The following DOK6 variants were observed in gnomAD, a reference collection of about 807,000 sequenced individuals.
DOK6 encodes downstream of tyrosine kinase 6.
Under a neutral mutation model 44.0 loss-of-function variants are expected in DOK6, and 22 were observed. The observed-to-expected ratio is 0.50, with a 90% CI of 0.36 to 0.71. The LOEUF is 0.71. DOK6 is among the 30% of genes least tolerant of loss of function. The pLI is 0.00. For synonymous variants in DOK6, 166 were observed against 145.5 expected (o/e 1.14, Z -1.01); for missense variants, 340 against 416.4 (o/e 0.82, Z 1.60).
At chr18:69,745,548 A>G (rs2015223704) in intron 6 of DOK6, among the ~76,000 whole-genome samples, 1 of 152,220 alleles carries the variant, frequency 6.6e-6, no homozygotes, top group Non-Finnish European at 1.5e-5. Context: ...TGAAGGCCAC[A>G]TCCAGTGAAT....
intron 1 of DOK6, among the ~76,000 whole-genome samples, chr18:69,474,258 A>C (rs1568269542): frequency 1.3e-5 from 2 of 150,592 alleles, no homozygotes; most frequent in African/African-American, 4.9e-5. Flanking sequence ...CTTCTTCTCC[A>C]TCCCCCTTCC....
intron 1 of DOK6, among the ~76,000 whole-genome samples, chr18:69,458,978 C>A (rs141490564): frequency 0.013 from 1,943 of 151,972 alleles, 35 homozygotes; most frequent in African/African-American, 0.043. Flanking sequence ...TGCCTGTAAT[C>A]CCAGCCACCT....
chr18:69,652,676 G>A (rs1985260383), intron 3 of DOK6, among the ~76,000 whole-genome samples: 1 of 152,130 alleles, frequency 6.6e-6, no homozygotes, highest in Non-Finnish European at 1.5e-5. Flanking sequence ...ATACACTCTA[G>A]GATGTTTGGG....
At chr18:69,420,302 T>A (rs146353158) in intron 1 of DOK6, among the ~76,000 whole-genome samples, 1 of 152,022 alleles carries the variant, frequency 6.6e-6, no homozygotes, top group African/African-American at 2.4e-5. Context: ...TCTTTAAAAT[T>A]TAATGCAAAA....
At chr18:69,731,660 G>T (rs542077364) in intron 5 of DOK6, among the ~76,000 whole-genome samples, 13 of 152,066 alleles carry the variant, frequency 8.5e-5, no homozygotes, top group Admixed American at 5.2e-4. Context: ...TGTTCTTTTT[G>T]CTCTGAAGAA....
intron 1 of DOK6, among the ~76,000 whole-genome samples, chr18:69,521,929 T>TA (rs557247243): frequency 1.6e-3 from 240 of 152,026 alleles, no homozygotes; most frequent in Non-Finnish European, 2.5e-3. Context: ...AGTTAAAATT[T>TA]AAAAAAATTA....
intron 2 of DOK6, among the ~76,000 whole-genome samples, chr18:69,570,181 C>G (rs116724588): frequency 2.6e-4 from 40 of 152,164 alleles, no homozygotes; most frequent in African/African-American, 9.4e-4. Context: ...ACATACACCC[C>G]TAGCCTAAAA....
At chr18:69,684,758 A>G (rs927711017) in intron 4 of DOK6, among the ~76,000 whole-genome samples, 1 of 152,228 alleles carries the variant, frequency 6.6e-6, no homozygotes, top group African/African-American at 2.4e-5. Context: ...CGAAAGGCAT[A>G]GGACAAGTAG....
intron 7 of DOK6, among the ~76,000 whole-genome samples, chr18:69,782,312 C>T (rs542306425): frequency 5.5e-4 from 83 of 151,094 alleles, no homozygotes; most frequent in African/African-American, 8.0e-4. Flanking sequence ...CCCAGGTTCA[C>T]GCCATTCTCC....
intron 6 of DOK6, among the ~76,000 whole-genome samples, chr18:69,740,173 TGTAGGATGA>T (rs1978754160): frequency 6.6e-6 from 1 of 152,134 alleles, no homozygotes; most frequent in African/African-American, 2.4e-5. Flanking sequence ...CTTCAGCATT[TGTAGGATGA>T]TTAGGATGAG....
At position 69,543,887 on chromosome 18, in the gene DOK6, A is replaced by G. The variant is rs923289365; in HGVS notation, c.67-20600A>G. Among the ~76,000 whole-genome samples, 9 of 151,656 alleles carry G rather than the reference A, an allele frequency of 5.9e-5. 1 individual carries two copies. The highest frequency in any genetic ancestry group is 4.4e-5 in the Non-Finnish European group (3 of 67,740). On this transcript the variant is annotated intron_variant, in intron 1 of 7. Transcript: ENST00000382713. The stretch of plus-strand genomic sequence containing the variant: ...GGGAATTTCAGGTAAGAAATAATGC[A>G]AGCAAAGAAATGGAAGCAAATATAT...
intron 7 of DOK6, among the ~76,000 whole-genome samples, chr18:69,814,898 G>T (rs1981351466): frequency 6.6e-6 from 1 of 152,056 alleles, no homozygotes; most frequent in South Asian, 2.1e-4. Context: ...CATATCAGGT[G>T]TCATGCGACT....
intron 4 of DOK6, among the ~76,000 whole-genome samples, chr18:69,697,546 A>G (rs1005172371): frequency 4.6e-5 from 7 of 152,162 alleles, no homozygotes; most frequent in African/African-American, 1.7e-4. Flanking sequence ...GCTAGGAACT[A>G]GGGATACTTT....
chr18:69,704,475 C>CTT (rs10685670), intron 5 of DOK6, among the ~76,000 whole-genome samples: 49,513 of 106,952 alleles, frequency 0.46, 12,635 homozygotes, highest in East Asian at 0.7. Context: ...CCAGATATGA[C>CTT]TTTTTTTTTT....
intron 1 of DOK6, among the ~76,000 whole-genome samples, chr18:69,458,816 G>C (rs1979699912): frequency 6.6e-6 from 1 of 152,186 alleles, no homozygotes; most frequent in South Asian, 2.1e-4. Context: ...TACCGGCTGG[G>C]AGCTATGGCT....
At chr18:69,770,179 T>C (rs1979846045) in intron 7 of DOK6, among the ~76,000 whole-genome samples, 1 of 152,098 alleles carries the variant, frequency 6.6e-6, no homozygotes, top group African/African-American at 2.4e-5. Context: ...TTTCATGATA[T>C]TTAATCTTCC....
At chr18:69,487,555 T>C (rs1178758310) in intron 1 of DOK6, among the ~76,000 whole-genome samples, 1 of 152,198 alleles carries the variant, frequency 6.6e-6, no homozygotes, top group African/African-American at 2.4e-5. Context: ...CAAAAGTTCC[T>C]TTTTTAAACT....
chr18:69,572,650 A>G (rs1388946498), intron 2 of DOK6, among the ~76,000 whole-genome samples: 1 of 152,052 alleles, frequency 6.6e-6, no homozygotes, highest in Non-Finnish European at 1.5e-5. Context: ...GTGAAGGAAA[A>G]AGGAACAGCA....
intron 4 of DOK6, among the ~76,000 whole-genome samples, chr18:69,685,230 T>A (rs1389025911): frequency 6.6e-6 from 1 of 152,192 alleles, no homozygotes; most frequent in Non-Finnish European, 1.5e-5. Flanking sequence ...TTATCCATTT[T>A]TTTTTCCTGC....
Sources: allele counts gnomAD v4.1 joint callset (sites outside exome capture counted in the v4.1 genomes callset), GRCh38; gene constraint gnomAD v4.1.1; transcripts MANE v1.5; gene names NCBI Gene and HGNC (gene_info 2026-07-23, HGNC 2026-07-21).